Variants in CAPG observed in about 807,000 individuals in gnomAD.
The protein encoded by CAPG is macrophage-capping protein.
Under a neutral mutation model 44.6 loss-of-function variants are expected in CAPG, and 32 were observed. The observed-to-expected ratio is 0.72, with a 90% CI of 0.54 to 0.96. CAPG has a LOEUF of 0.96. Among genes scored for constraint, CAPG ranks in the 50% least tolerant of loss-of-function variants. CAPG has a pLI of 0.00. For synonymous variants in CAPG, 175 were observed against 179.6 expected (o/e 0.97, Z 0.20); for missense variants, 412 against 438.3 (o/e 0.94, Z 0.54).
chr2:85,414,999 G>C (rs1440853777), upstream of CAPG, among the ~76,000 whole-genome samples: 2 of 152,166 alleles, frequency 1.3e-5, no homozygotes, highest in Non-Finnish European at 2.9e-5. Context: ...AGGCAGCTTC[G>C]AAAATCCCAA....
chr2:85,395,696 G>T lies in CAPG; in HGVS notation c.893-70C>A. On this transcript the variant is annotated intron_variant, in intron 8 of 9. Transcript: ENST00000263867. The surrounding 1 kb of genome is among the most constrained non-coding windows in gnomAD (Gnocchi z 4.3). ...TTAGCTGCCATCCCATTTTTCTTGA[G>T]GAAATTTAAGGGAGTCCACAGAAGA... The T allele has an allele frequency of 8.9e-7, 1 of 1,122,268 alleles. No homozygotes were observed. Among genetic ancestry groups the T allele is most frequent in the Admixed American group, 2.0e-5 (1 of 50,434 alleles). The allele number at this position is 1,122,268 out of a possible 1,614,324, so 69.5% of individuals were successfully genotyped here.
intron 1 of CAPG, among the ~76,000 whole-genome samples, chr2:85,405,434 C>T (rs1344313736): frequency 1.3e-5 from 2 of 151,926 alleles, no homozygotes; most frequent in Non-Finnish European, 2.9e-5. Flanking sequence ...CCCAGTGGCA[C>T]AGGGTAAGGG....
Position 85,398,160 on chromosome 2 carries a change from G to A in CAPG, c.760-8C>T, listed in dbSNP as rs1216851872. On this transcript the variant is annotated splice_polypyrimidine_tract_variant and splice_region_variant and intron_variant, in intron 7 of 9. Transcript: ENST00000263867. ...TCCAGTGGCATCAGAGACCTGGGGAGGAGGGACAGTGCCTGATCTCACCCC... is the reference window on the plus strand; with the variant it reads ...TCCAGTGGCATCAGAGACCTGGGGAAGAGGGACAGTGCCTGATCTCACCCC... 2.5e-6 allele frequency: 4 copies of A among 1,612,424 alleles called. No individual in the cohort carries two copies. Among genetic ancestry groups the A allele is most frequent in the South Asian group, 1.1e-5 (1 of 90,912 alleles).
chr2:85,399,161 C>G lies in CAPG; in HGVS notation c.641G>C (p.Gly214Ala), dbSNP rs750453148. 6.2e-7 allele frequency: 1 copy of G among 1,614,210 alleles called. No homozygotes were observed. The highest frequency in any genetic ancestry group is 1.7e-5 in the Admixed American group (1 of 60,038). ...GKAQVEIVTD[G>A]EEPAEMIQVL... ...CTGGATCATCTCAGCAGGCTCCTCC[C>G]CATCAGTGACAATCTCCACCTGGGC... Residue 214 changes from glycine (G) to alanine (A), a missense_variant, in exon 6 of 10, where the codon GGG becomes GCG. Physicochemically the swap from Gly to Ala is moderately conservative, Grantham distance 60. Coordinates refer to ENST00000263867, the MANE Select transcript of CAPG (RefSeq NM_001747.4).
intron 1 of CAPG, chr2:85,409,746 C>T (rs1275490367): frequency 6.6e-6 from 1 of 152,284 alleles, no homozygotes; most frequent in East Asian, 1.9e-4. Context: ...TCAACCACTT[C>T]CTCCCTCCCC....
intron 1 of CAPG, among the ~76,000 whole-genome samples, chr2:85,416,809 G>C (rs924490161): frequency 6.6e-6 from 1 of 152,016 alleles, no homozygotes; most frequent in Non-Finnish European, 1.5e-5. Flanking sequence ...CCACCTCACC[G>C]GCCCCAAATA....
In CAPG at chr2:85,394,995, G is replaced by A. The variant is rs369319251; in HGVS notation, c.982-37C>T. 11 of 1,473,380 alleles carry A rather than the reference G, an allele frequency of 7.5e-6. No individual in the cohort carries two copies. In the African/African-American group the frequency reaches 1.1e-4, roughly 15 times the overall value. The allele number at this position is 1,473,380 out of a possible 1,614,324, so 91.3% of individuals were successfully genotyped here. On this transcript the variant is annotated intron_variant, in intron 9 of 9. Transcript: ENST00000263867. Reference sequence around the variant, plus strand: ...GCGGGGGAGAAGTCTGGTTCACAAAGTTGCCACCTCTGCCTCTGCCCAGGA... The same window carrying A: ...GCGGGGGAGAAGTCTGGTTCACAAAATTGCCACCTCTGCCTCTGCCCAGGA...
downstream of CAPG, chr2:85,394,750 T>A (rs938945106): frequency 1.4e-6 from 1 of 713,208 alleles, no homozygotes; most frequent in African/African-American, 1.7e-5. Flanking sequence ...CCAGGGCAGG[T>A]GGTGCAGGAA....
rs1239739784 is a variant in CAPG, at chr2:85,410,319, C to T, written c.-16G>A. 4 of 152,722 alleles carry T rather than the reference C, an allele frequency of 2.6e-5. No individual in the cohort carries two copies. The highest frequency in any genetic ancestry group is 9.6e-5 in the African/African-American group (4 of 41,602). 9.5% of individuals were successfully genotyped at this position (152,722 alleles called of 1,614,324 possible). On this transcript the variant is annotated splice_region_variant and 5_prime_UTR_variant, in exon 1 of 10. Coordinates refer to ENST00000263867, the MANE Select transcript of CAPG (RefSeq NM_001747.4). ...CTACTTTCCTTTCTTCCTCCTACCT[C>T]TGCTTCGTAGGTTCGTCTTCCTTCC...
chr2:85,408,424 A>G (rs1228326022), intron 1 of CAPG, among the ~76,000 whole-genome samples: 2 of 151,098 alleles, frequency 1.3e-5, no homozygotes, highest in African/African-American at 2.4e-5. Flanking sequence ...CCAGCTGTCC[A>G]AGGAAACTTC....
rs1558730807 is a variant in CAPG at position 85,398,752 on chromosome 2, C to T, written c.697G>A (p.Gly233Ser). 1 of 1,607,380 alleles carries T rather than the reference C, an allele frequency of 6.2e-7. No homozygotes were observed. The highest frequency in any genetic ancestry group is 8.5e-7 in the Non-Finnish European group (1 of 1,177,052). The change falls in exon 7 of 10, where the codon GGC becomes AGC. Residue 233 changes from glycine (G) to serine (S), a missense_variant. By Grantham distance (56) the Gly-to-Ser change is moderately conservative (BLOSUM62 0). Coordinates refer to ENST00000263867, the MANE Select transcript of CAPG (RefSeq NM_001747.4). ...VLGPKPALKE[G>S]NPEEDLTADK... Reference sequence around the variant, plus strand: ...GCTGTGAGGTCTTCCTCAGGGTTGCCCTCCTTCAGAGCAGGCTTGGGGCCC... The same window carrying T: ...GCTGTGAGGTCTTCCTCAGGGTTGCTCTCCTTCAGAGCAGGCTTGGGGCCC...
chr2:85,400,023 G>A (rs1156742528), intron 5 of CAPG, among the ~76,000 whole-genome samples: 1 of 152,178 alleles, frequency 6.6e-6, no homozygotes, highest in African/African-American at 2.4e-5. Context: ...TTACAGGCGT[G>A]AGCAGCCACG....
chr2:85,400,591 C>A (rs11684413), intron 5 of CAPG, among the ~76,000 whole-genome samples: 24,758 of 152,192 alleles, frequency 0.16, 2,409 homozygotes, highest in Non-Finnish European at 0.23. Flanking sequence ...CTGCACCCTT[C>A]CCCACCTTGG....
At position 85,401,615 on chromosome 2, in the gene CAPG, C is replaced by CCAG. The variant is rs921095576; in HGVS notation, c.262_264dup (p.Leu88dup). 6.2e-7 allele frequency: 1 copy of CCAG among 1,614,030 alleles called. No homozygotes were observed. ...TCGCGGTGCTGCACAGGCCGCTCTC[C>CCAG]CAGCAGCGTGTTGAGGTGCACAGCC... On this transcript the variant is annotated inframe_insertion, in exon 4 of 10. Transcript: ENST00000263867.
At chr2:85,411,179 T>A (rs1687397990), upstream of CAPG, among the ~76,000 whole-genome samples, 1 of 152,198 alleles carries the variant, frequency 6.6e-6, no homozygotes, top group South Asian at 2.1e-4. Context: ...AGGGAATGGC[T>A]GAGGCCATAA....
chr2:85,406,595 A>C (rs1687169636), intron 1 of CAPG, among the ~76,000 whole-genome samples: 1 of 152,250 alleles, frequency 6.6e-6, no homozygotes, highest in African/African-American at 2.4e-5. Flanking sequence ...ACAGTGGCTC[A>C]TGCCTGTAAT....
upstream of CAPG, chr2:85,419,029 A>C (rs1687652620): frequency 2.6e-5 from 4 of 152,530 alleles, no homozygotes; most frequent in South Asian, 8.3e-4. Flanking sequence ...CATCGCCTAG[A>C]GCAAACTCCC....
intron 9 of CAPG, 24 bp from the exon 10 acceptor site, chr2:85,394,982 T>A (rs1214998026): frequency 6.3e-7 from 1 of 1,576,882 alleles, no homozygotes; most frequent in South Asian, 1.1e-5. Context: ...GGGGGAGAAG[T>A]CTGGTTCACA....
chr2:85,401,857 A>C lies in CAPG; in HGVS notation c.124T>G (p.Phe42Val). 6.2e-7 allele frequency: 1 copy of C among 1,613,920 alleles called. No individual in the cohort carries two copies. The highest frequency in any genetic ancestry group is 8.5e-7 in the Non-Finnish European group (1 of 1,179,960). The change falls in exon 3 of 10, where the codon TTC becomes GTC. Residue 42 changes from phenylalanine (F) to valine (V), a missense_variant. Transcript: ENST00000263867. ...ACTAGGTAGGAGTCCCCCGAGAAGA[A>C]GACGCCCTGGTTCTCTTGCGCCACA... ...VPVAQENQGV[F>V]FSGDSYLVLH... is the part of the protein sequence containing the mutation.
Sources: allele counts gnomAD v4.1 joint callset (sites outside exome capture counted in the v4.1 genomes callset), GRCh38; gene constraint gnomAD v4.1.1; non-coding constraint Gnocchi (gnomAD v3.1); transcripts MANE v1.5; gene names NCBI Gene and HGNC (gene_info 2026-07-23, HGNC 2026-07-21).